Variants in OTOGL observed in about 807,000 individuals in gnomAD.
OTOGL encodes otogelin like, also known as otogelin-like protein.
In OTOGL, 285 loss-of-function variants were observed where a neutral mutation model predicts 318.5. The observed-to-expected ratio is 0.89, with a 90% CI of 0.81 to 0.99. OTOGL has a LOEUF of 0.99. OTOGL is among the 50% of genes least tolerant of loss of function. The pLI is 0.00. For synonymous variants in OTOGL, 987 were observed against 936.5 expected (o/e 1.05, Z -0.99); for missense variants, 2,899 against 2,845.6 (o/e 1.02, Z -0.43).
intron 1 of OTOGL, among the ~76,000 whole-genome samples, chr12:80,190,820 T>C (rs1049615697): frequency 1.5e-5 from 2 of 134,376 alleles, no homozygotes; most frequent in Admixed American, 7.3e-5. Context: ...AAAAAAAGAG[T>C]GAATCCAAGT....
At chr12:80,141,315 C>G (rs1209842659) in intron 1 of OTOGL, among the ~76,000 whole-genome samples, 1 of 152,066 alleles carries the variant, frequency 6.6e-6, no homozygotes, top group Admixed American at 6.6e-5. Flanking sequence ...AGTGTCTTAT[C>G]TTTATTTTTC....
rs1248950617 is a variant in OTOGL, at chr12:80,320,559, G to C, written c.3940G>C (p.Gly1314Arg). The C allele has an allele frequency of 6.2e-7, 1 of 1,613,446 alleles. No individual in the cohort carries two copies. Among genetic ancestry groups the C allele is most frequent in the Non-Finnish European group, 8.5e-7 (1 of 1,179,684 alleles). ...GAGAGCAACATTTTTCCACCATCAG[G>C]GCCTCTGGATTCCTGGTTACAGTGC... ...HRRATFFHHQ[G>R]LWIPGYSAFE... Residue 1314 changes from glycine to arginine, a missense_variant, in exon 34 of 59, where the codon GGC becomes CGC. This residue lies in a region of OTOGL where 2,607 missense variants were observed against 2,524.9 expected (regional missense o/e 1.03). Transcript: ENST00000547103.
chr12:80,164,965 T>C (rs1028197632), intron 1 of OTOGL, among the ~76,000 whole-genome samples: 17 of 152,056 alleles, frequency 1.1e-4, no homozygotes, highest in African/African-American at 4.1e-4. Flanking sequence ...AAGAGGATAT[T>C]CAACAAAGAT....
intron 1 of OTOGL, among the ~76,000 whole-genome samples, chr12:80,119,945 G>A (rs1369122796): frequency 1.3e-5 from 2 of 152,066 alleles, no homozygotes; most frequent in Non-Finnish European, 2.9e-5. Context: ...TTCATCAGTT[G>A]TCTTTAGAGA....
At chr12:80,258,989 T>G (rs1229290091) in intron 18 of OTOGL, among the ~76,000 whole-genome samples, 1 of 152,054 alleles carries the variant, frequency 6.6e-6, no homozygotes, top group African/African-American at 2.4e-5. Flanking sequence ...AATAAGAATG[T>G]GAGGTGATGC....
chr12:80,279,706 T>A (rs760398084), intron 26 of OTOGL, among the ~76,000 whole-genome samples: 18 of 151,842 alleles, frequency 1.2e-4, no homozygotes, highest in Non-Finnish European at 1.9e-4. Context: ...GGCATTTAGG[T>A]TGATTCCATG....
rs375241338 is a variant in OTOGL at position 80,279,147 on chromosome 12, G to A, written c.2909G>A (p.Cys970Tyr). The A allele has an allele frequency of 5.0e-6, 8 of 1,590,650 alleles. No individual in the cohort carries two copies. Among genetic ancestry groups the A allele is most frequent in the South Asian group, 1.1e-5 (1 of 89,288 alleles). Reference sequence around the variant, plus strand: ...CTAGAATATGACTATATCAGTGATTGCCAGGTGTTTTTGATAAAGGTAGGT... The same window carrying A: ...CTAGAATATGACTATATCAGTGATTACCAGGTGTTTTTGATAAAGGTAGGT... ...DGLEYDYISD[C>Y]QVFLIKSADD... Residue 970 changes from cysteine to tyrosine, a missense_variant, in exon 26 of 59, where the codon TGC becomes TAC. Physicochemically the swap from Cys to Tyr is radical, Grantham distance 194 (BLOSUM62 -2). Around this residue, in one of 3 missense-constraint regions of OTOGL, gnomAD observed 2,607 missense variants for 2,524.9 expected, o/e 1.03. Coordinates refer to ENST00000547103, the MANE Select transcript of OTOGL (RefSeq NM_001378609.3).
intron 55 of OTOGL, among the ~76,000 whole-genome samples, chr12:80,369,469 GT>G (rs1249864657): frequency 5.3e-5 from 8 of 152,078 alleles, no homozygotes; most frequent in Admixed American, 4.6e-4. Context: ...GAGTGTAGCA[GT>G]TACTGTTCAT....
intron 1 of OTOGL, among the ~76,000 whole-genome samples, chr12:80,140,104 G>T (rs1454622093): frequency 3.3e-5 from 5 of 152,066 alleles, no homozygotes; most frequent in African/African-American, 1.2e-4. Flanking sequence ...AGTTCCACCT[G>T]CCTTGCCTCT....
At chr12:80,348,385 C>T (rs1889335284) in intron 44 of OTOGL, among the ~76,000 whole-genome samples, 1 of 152,090 alleles carries the variant, frequency 6.6e-6, no homozygotes, top group Non-Finnish European at 1.5e-5. Flanking sequence ...GGAATCATTT[C>T]CCCATTGCTT....
intron 11 of OTOGL, among the ~76,000 whole-genome samples, chr12:80,246,410 A>G (rs968975731): frequency 1.4e-5 from 2 of 138,914 alleles, no homozygotes; most frequent in East Asian, 2.1e-4. Context: ...TTCTGCATCT[A>G]TTGAGATAAT....
chr12:80,339,248 C>T lies in OTOGL; in HGVS notation c.5034C>T (p.Tyr1678=), dbSNP rs867797290. Residue 1678 remains tyrosine, a synonymous_variant, in exon 43 of 59, where the codon TAC becomes TAT. Transcript: ENST00000547103. ...HFGFRFNLSS[Y]TEGLCGICNE... is the part of the protein sequence containing the mutation. ...GCTTCCGATTTAACTTGTCATCCTA[C>T]ACAGAAGGACTCTGTGGTGAGCGCT... 2 of 1,597,576 alleles carry T rather than the reference C, an allele frequency of 1.3e-6. No homozygotes were observed. The highest frequency in any genetic ancestry group is 1.7e-6 in the Non-Finnish European group (2 of 1,170,218).
intron 1 of OTOGL, among the ~76,000 whole-genome samples, chr12:80,112,007 C>T (rs1869870453): frequency 6.6e-6 from 1 of 152,110 alleles, no homozygotes; most frequent in Non-Finnish European, 1.5e-5. Flanking sequence ...CTCTATGTAG[C>T]AATTGTGAAT....
chr12:80,117,468 C>T (rs1033143333), intron 1 of OTOGL, among the ~76,000 whole-genome samples: 15 of 152,170 alleles, frequency 9.9e-5, no homozygotes, highest in Non-Finnish European at 5.9e-5. Context: ...CACAATGCCC[C>T]TTGAATCTTC....
chr12:80,100,852 CT>C (rs796811356), intron 1 of OTOGL, among the ~76,000 whole-genome samples: 14 of 151,498 alleles, frequency 9.2e-5, no homozygotes, highest in East Asian at 1.9e-4. Context: ...TCAACTTTCA[CT>C]TTTTTTTTCC....
Position 80,353,361 on chromosome 12 carries a change from G to T in OTOGL, c.5444G>T (p.Cys1815Phe), listed in dbSNP as rs749692007. 8.1e-6 allele frequency: 13 copies of T among 1,597,434 alleles called. No homozygotes were observed. The highest frequency in any genetic ancestry group is 1.1e-5 in the Non-Finnish European group (13 of 1,171,640). Residue 1815 changes from cysteine (C) to phenylalanine (F), a missense_variant, in exon 46 of 59, where the codon TGT (cysteine) becomes TTT (phenylalanine). Physicochemically the swap from Cys to Phe is radical, Grantham distance 205. Around this residue, in one of 3 missense-constraint regions of OTOGL, gnomAD observed 2,607 missense variants for 2,524.9 expected, o/e 1.03. Coordinates refer to ENST00000547103, the MANE Select transcript of OTOGL (RefSeq NM_001378609.3). Reference protein sequence around the residue: ...SCPEGKEYQPCVRPCEARTCL... With the variant: ...SCPEGKEYQPFVRPCEARTCL... ...CCAGAGGGGAAGGAATATCAACCCT[G>T]TGTGCGACCTTGTGAAGCAAGAACA... is the stretch of plus-strand genomic sequence containing the variant.
At chr12:80,274,915 G>A (rs1480034085) in intron 24 of OTOGL, among the ~76,000 whole-genome samples, 1 of 151,952 alleles carries the variant, frequency 6.6e-6, no homozygotes, top group African/African-American at 2.4e-5. Context: ...TCAGCCCACT[G>A]TTGAGACCTG....
intron 30 of OTOGL, 124 bp from the exon 31 acceptor site, chr12:80,313,352 T>C (rs2058422968): frequency 2.4e-6 from 2 of 829,044 alleles, no homozygotes; most frequent in Non-Finnish European, 1.9e-6. Flanking sequence ...TAAAGAGAAC[T>C]CTCTAGGTGG....
Position 80,103,359 on chromosome 12 carries a change from G to A in OTOGL, c.-20+3754G>A, listed in dbSNP as rs1310174513. The A allele has an allele frequency of 6.0e-6, 7 of 1,160,064 alleles. No homozygotes were observed. In the African/African-American group the frequency reaches 9.1e-5, roughly 15 times the overall value. The allele number at this position is 1,160,064 out of a possible 1,614,324, so 71.9% of individuals were successfully genotyped here. ...TTTGGCCGCTCCCGCTTCGGTGATCGATCTTCTTTTCTTTTCTTGCAGGCT... is the reference window on the plus strand; with the variant it reads ...TTTGGCCGCTCCCGCTTCGGTGATCAATCTTCTTTTCTTTTCTTGCAGGCT... On this transcript the variant is annotated intron_variant, in intron 1 of 58. Coordinates refer to ENST00000547103, the MANE Select transcript of OTOGL (RefSeq NM_001378609.3).
Sources: allele counts gnomAD v4.1 joint callset (sites outside exome capture counted in the v4.1 genomes callset), GRCh38; gene constraint gnomAD v4.1.1; regional missense constraint gnomAD v4.1.1; transcripts MANE v1.5; gene names NCBI Gene and HGNC (gene_info 2026-07-23, HGNC 2026-07-21).